ZNF277: variants seen among roughly 807,000 people sequenced by gnomAD.
The protein encoded by ZNF277 is zinc finger protein 277.
Under a neutral mutation model 60.7 loss-of-function variants are expected in ZNF277, and 55 were observed. The observed-to-expected ratio is 0.91, with a 90% CI of 0.73 to 1.13. The LOEUF is 1.13. ZNF277 is among the 50% of genes most tolerant of loss of function. The probability of loss-of-function intolerance (pLI) is 0.00; values close to 1 mark genes in which losing one functional copy is unlikely to be tolerated. For synonymous variants in ZNF277, 178 were observed against 179.3 expected, an observed-to-expected ratio of 0.99 and a Z score of 0.06; for missense variants, 510 against 523.0, an observed-to-expected ratio of 0.98 and a Z score of 0.24.
intron 1 of ZNF277, among the ~76,000 whole-genome samples, chr7:112,276,278 T>C (rs929576463): frequency 1.3e-5 from 2 of 152,224 alleles, no homozygotes; most frequent in African/African-American, 4.8e-5. Context: ...GTTGGACATG[T>C]TAATAGCTTT....
intron 1 of ZNF277, among the ~76,000 whole-genome samples, chr7:112,240,216 A>G (rs1190926282): frequency 1.3e-5 from 2 of 152,204 alleles, no homozygotes; most frequent in African/African-American, 4.8e-5. Flanking sequence ...CAAAACAATC[A>G]GAAAACAAAT....
chr7:112,283,559 C>T (rs556147732), intron 1 of ZNF277, among the ~76,000 whole-genome samples: 16 of 152,254 alleles, frequency 1.1e-4, no homozygotes, highest in African/African-American at 2.6e-4. Context: ...CTTAATACCT[C>T]GCAAACCACA....
chr7:112,337,667 C>CTG lies in ZNF277; in HGVS notation c.870-59_870-58dup, dbSNP rs1178763407. On this transcript the variant is annotated intron_variant, in intron 8 of 11. Coordinates refer to ENST00000361822, the MANE Select transcript of ZNF277 (RefSeq NM_021994.3). Reference sequence around the variant, plus strand: ...GTAAGGAGAAAGCAATACCAAGTCACTGTGTAGTATACTCTCTTAATGAAG... The same window carrying CTG: ...GTAAGGAGAAAGCAATACCAAGTCACTGTGTGTAGTATACTCTCTTAATGAAG... The CTG allele has an allele frequency of 2.2e-6, 3 of 1,393,906 alleles. No individual in the cohort carries two copies. The African/African-American group carries it at 4.3e-5, about 20-fold the overall frequency. The allele number at this position is 1,393,906 out of a possible 1,614,324, so 86.3% of individuals were successfully genotyped here. A position where few individuals can be genotyped will look rare whatever the true frequency, so the allele number is the denominator to read the frequency against.
chr7:112,237,190 A>G (rs996763535), intron 1 of ZNF277, among the ~76,000 whole-genome samples: 2 of 152,216 alleles, frequency 1.3e-5, no homozygotes, highest in African/African-American at 4.8e-5. Flanking sequence ...GAAAATGAAG[A>G]CACAACATAC....
intron 1 of ZNF277, among the ~76,000 whole-genome samples, chr7:112,267,197 A>G (rs537526626): frequency 2.6e-5 from 4 of 152,276 alleles, no homozygotes; most frequent in Admixed American, 2.6e-4. Context: ...TAGCCTCTTA[A>G]TGTATTCTTA....
intron 1 of ZNF277, among the ~76,000 whole-genome samples, chr7:112,214,589 T>A (rs1821834151): frequency 6.6e-6 from 1 of 152,208 alleles, no homozygotes; most frequent in African/African-American, 2.4e-5. Flanking sequence ...ACTAGTGGCA[T>A]TTATTTGCAA....
chr7:112,228,666 A>G (rs960331908), intron 1 of ZNF277, among the ~76,000 whole-genome samples: 1 of 151,700 alleles, frequency 6.6e-6, no homozygotes, highest in African/African-American at 2.4e-5. Context: ...TTTTTTTACT[A>G]TCTTTTTATT....
chr7:112,287,651 T>C (rs6979385), intron 2 of ZNF277: 61,379 of 151,672 alleles, frequency 0.4, 15,273 homozygotes, highest in African/African-American at 0.71. Context: ...CTCAGCCTCC[T>C]GAGTAGCTGG....
chr7:112,245,478 A>G (rs923478403), intron 1 of ZNF277, among the ~76,000 whole-genome samples: 35 of 152,180 alleles, frequency 2.3e-4, no homozygotes, highest in African/African-American at 8.0e-4. Flanking sequence ...ATGCTATGTC[A>G]TAGCATAGTG....
At chr7:112,309,946 AT>A (rs1792683188) in intron 4 of ZNF277, among the ~76,000 whole-genome samples, 1 of 152,090 alleles carries the variant, frequency 6.6e-6, no homozygotes, top group Admixed American at 6.6e-5. Context: ...AGATTCCCAA[AT>A]ACAAAGCTGC....
chr7:112,243,839 T>C (rs753717679), intron 1 of ZNF277, among the ~76,000 whole-genome samples: 2 of 152,100 alleles, frequency 1.3e-5, no homozygotes, highest in Admixed American at 6.6e-5. Context: ...TGTATAAAGA[T>C]ACCTGCACTC....
intron 4 of ZNF277, among the ~76,000 whole-genome samples, chr7:112,304,778 C>T (rs1189693786): frequency 6.6e-6 from 1 of 152,096 alleles, no homozygotes; most frequent in Non-Finnish European, 1.5e-5. Context: ...TGTCTTTAGC[C>T]AGCCTCACTT....
At chr7:112,281,623 T>C (rs980485063) in intron 1 of ZNF277, among the ~76,000 whole-genome samples, 1 of 152,206 alleles carries the variant, frequency 6.6e-6, no homozygotes, top group Non-Finnish European at 1.5e-5. Context: ...TGGCTGTAAA[T>C]ATAGTTGGAC....
chr7:112,342,678 T>C lies in ZNF277; in HGVS notation c.1302T>C (p.Ser434=), dbSNP rs769007692. Reference sequence around the variant, plus strand: ...TTCCCATCATCAGTGAAGATACATCTAAACTGTATGCTTTGAAACAAAGCA... The same window carrying C: ...TTCCCATCATCAGTGAAGATACATCCAAACTGTATGCTTTGAAACAAAGCA... ...ENVPIISEDT[S]KLYALKQSSI... The change falls in exon 12 of 12, where the codon TCT becomes TCC. Residue 434 remains serine, a synonymous_variant. Coordinates refer to ENST00000361822, the MANE Select transcript of ZNF277 (RefSeq NM_021994.3). 1 of 1,611,216 alleles carries C rather than the reference T, an allele frequency of 6.2e-7. No homozygotes were observed. The highest frequency in any genetic ancestry group is 1.1e-5 in the South Asian group (1 of 90,862).
At chr7:112,311,008 T>C (rs898633395) in intron 4 of ZNF277, among the ~76,000 whole-genome samples, 2 of 152,170 alleles carry the variant, frequency 1.3e-5, no homozygotes, top group African/African-American at 4.8e-5. Context: ...CCAGGTTATT[T>C]CCATTGGATT....
intron 1 of ZNF277, among the ~76,000 whole-genome samples, chr7:112,236,395 T>G (rs1439694275): frequency 6.6e-6 from 1 of 152,008 alleles, no homozygotes; most frequent in Non-Finnish European, 1.5e-5. Flanking sequence ...TCAGGTAGAG[T>G]CTGAACATTC....
intron 1 of ZNF277, among the ~76,000 whole-genome samples, chr7:112,254,929 C>T (rs948370906): frequency 3.3e-5 from 5 of 152,042 alleles, no homozygotes; most frequent in East Asian, 1.9e-4. Context: ...GCTGAGATCG[C>T]GCCACTGTAC....
chr7:112,229,040 T>C (rs1302394665), intron 1 of ZNF277, among the ~76,000 whole-genome samples: 1 of 152,234 alleles, frequency 6.6e-6, no homozygotes, highest in Non-Finnish European at 1.5e-5. Context: ...AAGGGATGCT[T>C]TTTGTATTTA....
In ZNF277 at chr7:112,269,797, A is replaced by G. The variant is rs2214435; in HGVS notation, c.92-17076A>G. On this transcript the variant is annotated intron_variant, in intron 1 of 11. Transcript: ENST00000361822. ...CCACCTTCTTTATCAAGGGTTTATC[A>G]AAATCTAGAAGCTGAGCTGTATTAT... Among the ~76,000 whole-genome samples the G allele has an allele frequency of 3.2e-3, 487 of 152,220 alleles. 3 individuals carry two copies. Among genetic ancestry groups the G allele is most frequent in the African/African-American group, 0.011 (457 of 41,564 alleles).
Sources: gnomAD v4.1 joint callset for allele counts (sites outside exome capture counted in the v4.1 genomes callset) on GRCh38, gnomAD v4.1.1 for gene constraint, MANE v1.5 for transcripts, NCBI Gene and HGNC (gene_info 2026-07-23, HGNC 2026-07-21) for gene names.